Variants in PCDH15 observed in about 807,000 individuals in gnomAD.
PCDH15 encodes the protein protocadherin-15.
PCDH15 carries 129 observed loss-of-function variants against 178.5 expected under a neutral mutation model. That is an observed-to-expected ratio of 0.72 (90% CI 0.63 to 0.84). PCDH15 has a LOEUF of 0.84. Ranked by LOEUF, PCDH15 falls within the 40% of genes least tolerant of loss-of-function variation. The probability of loss-of-function intolerance (pLI) is 0.00; values close to 1 mark genes in which losing one functional copy is unlikely to be tolerated. For synonymous variants in PCDH15, 800 were observed against 732.0 expected (o/e 1.09, Z -1.50); for missense variants, 2,230 against 2,099.9 (o/e 1.06, Z -1.21).
intron 2 of PCDH15, among the ~76,000 whole-genome samples, chr10:55,598,551 T>TATATAGATAGATAGATAG (rs1842989306): frequency 1.5e-5 from 1 of 64,912 alleles, no homozygotes; most frequent in African/African-American, 7.6e-5. Flanking sequence ...TATATATATA[T>TATATAGATAGATAGATAG]ATATATATAT....
intron 3 of PCDH15, among the ~76,000 whole-genome samples, chr10:54,893,977 C>T (rs1455518413): frequency 6.6e-6 from 1 of 152,086 alleles, no homozygotes. Context: ...AGCGTTTATA[C>T]AGTCTGTAAT....
chr10:55,051,849 A>C (rs1334299975), intron 2 of PCDH15, among the ~76,000 whole-genome samples: 1 of 152,152 alleles, frequency 6.6e-6, no homozygotes, highest in Non-Finnish European at 1.5e-5. Context: ...GCATATGAAC[A>C]CACAGCCAGA....
chr10:53,892,053 G>A (rs2081603881), intron 26 of PCDH15, among the ~76,000 whole-genome samples: 1 of 119,726 alleles, frequency 8.4e-6, no homozygotes. Context: ...TTCCAAGACA[G>A]AGTCTCTGTC....
At chr10:55,526,487 T>C (rs1469477087) in intron 2 of PCDH15, among the ~76,000 whole-genome samples, 4 of 152,030 alleles carry the variant, frequency 2.6e-5, no homozygotes, top group African/African-American at 9.7e-5. Context: ...GCTTCCTTAA[T>C]ATCTGGCAAG....
intron 8 of PCDH15, among the ~76,000 whole-genome samples, chr10:54,316,880 A>G (rs1293337248): frequency 6.6e-6 from 1 of 152,164 alleles, no homozygotes; most frequent in Admixed American, 6.6e-5. Context: ...TCAGAATTCT[A>G]CTGGGCCAAA....
chr10:55,415,602 A>T (rs1478313088), intron 2 of PCDH15, among the ~76,000 whole-genome samples: 1 of 151,746 alleles, frequency 6.6e-6, no homozygotes, highest in Non-Finnish European at 1.5e-5. Flanking sequence ...ATAGTAAATC[A>T]CTAATTTTCA....
chr10:54,353,226 C>T (rs1418368), intron 5 of PCDH15, among the ~76,000 whole-genome samples: 5,446 of 151,958 alleles, frequency 0.036, 317 homozygotes, highest in African/African-American at 0.12. Context: ...ATCAAACATC[C>T]GTTTGAAGTC....
intron 2 of PCDH15, among the ~76,000 whole-genome samples, chr10:55,416,855 A>G (rs1413253861): frequency 6.6e-6 from 1 of 151,806 alleles, no homozygotes; most frequent in Non-Finnish European, 1.5e-5. Flanking sequence ...CAAAATTCCT[A>G]TATTTTCTGA....
At chr10:53,927,882 A>G (rs375287533) in intron 25 of PCDH15, among the ~76,000 whole-genome samples, 1 of 152,104 alleles carries the variant, frequency 6.6e-6, no homozygotes, top group Non-Finnish European at 1.5e-5. Flanking sequence ...TTGTTCTTGT[A>G]TGACAGGGAC....
intron 3 of PCDH15, among the ~76,000 whole-genome samples, chr10:54,417,192 C>A (rs1348784582): frequency 1.3e-5 from 2 of 152,040 alleles, no homozygotes; most frequent in African/African-American, 4.8e-5. Context: ...ATCCAGCAAC[C>A]AAAATTTTTT....
In PCDH15 at chr10:53,974,340, A is replaced by G. The variant is rs539651421; in HGVS notation, c.2869-12448T>C. Among the ~76,000 whole-genome samples the G allele has an allele frequency of 4.9e-4, 74 of 152,246 alleles. 2 individuals carry two copies. In the South Asian group the frequency reaches 0.014, roughly 29 times the overall value. On this transcript the variant is annotated intron_variant, in intron 21 of 37. Coordinates refer to ENST00000644397, the MANE Select transcript of PCDH15 (RefSeq NM_001384140.1). ...AGAAATTAAACACAATTTAAAACAA[A>G]TCTCTAGGGGCTTTTTGTTTTCCAT...
At chr10:54,700,112 T>C (rs1174129207) in intron 1 of PCDH15, among the ~76,000 whole-genome samples, 2 of 152,098 alleles carry the variant, frequency 1.3e-5, no homozygotes, top group East Asian at 3.9e-4. Context: ...AACTAATCTT[T>C]GGCCCCCTGA....
intron 3 of PCDH15, among the ~76,000 whole-genome samples, chr10:54,516,237 G>A (rs951816665): frequency 6.6e-6 from 1 of 152,064 alleles, no homozygotes; most frequent in Admixed American, 6.5e-5. Flanking sequence ...GAGAGAAGAA[G>A]GCTTCAGATG....
chr10:55,337,871 A>G (rs1173520276), intron 2 of PCDH15, among the ~76,000 whole-genome samples: 1 of 152,102 alleles, frequency 6.6e-6, no homozygotes, highest in African/African-American at 2.4e-5. Context: ...AAATATAGAG[A>G]CAATTCACAG....
rs78652090 is a variant in PCDH15 at position 54,328,328 on chromosome 10, C to T, written c.705+1268G>A. On this transcript the variant is annotated intron_variant, in intron 7 of 37. Transcript: ENST00000644397. ...TATATCTTTATGCCTCATTTCTTAA[C>T]GGTTATTTCAAAAACGTAAGCTTGT... is the stretch of plus-strand genomic sequence containing the variant. Among the ~76,000 whole-genome samples, 1,037 of 152,042 alleles carry T rather than the reference C, an allele frequency of 6.8e-3. 14 individuals are homozygous for T. Among genetic ancestry groups the T allele is most frequent in the African/African-American group, 0.023 (943 of 41,532 alleles).
chr10:54,317,042 A>G (rs2061320564), intron 8 of PCDH15, among the ~76,000 whole-genome samples: 1 of 152,162 alleles, frequency 6.6e-6, no homozygotes, highest in African/African-American at 2.4e-5. Flanking sequence ...TAAAATAACC[A>G]TGTTGGACTG....
At chr10:54,637,479 T>C (rs903948907) in intron 2 of PCDH15, among the ~76,000 whole-genome samples, 2 of 152,070 alleles carry the variant, frequency 1.3e-5, no homozygotes, top group Non-Finnish European at 2.9e-5. Context: ...CCTTGACTCA[T>C]GGTTCTTCTT....
In PCDH15 at chr10:53,851,671, AATATATATATATATATATATATATAT is replaced by A. The variant is rs71004485; in HGVS notation, c.3806+5478_3806+5503del. ...GAGACCTTCTAATTATCCTCCTAGA[AATATATATATATATATATATATATAT>A]ATATATATATATATATATATATATA... On this transcript the variant is annotated intron_variant, in intron 28 of 37. Transcript: ENST00000644397. Among the ~76,000 whole-genome samples, 443 of 104,572 alleles carry A rather than the reference AATATATATATATATATATATATATAT, an allele frequency of 4.2e-3. 10 individuals carry two copies. Among genetic ancestry groups the A allele is most frequent in the East Asian group, 8.6e-3 (38 of 4,424 alleles). 68.6% of individuals were successfully genotyped at this position (104,572 alleles called of 152,430 possible).
Position 53,888,307 on chromosome 10 carries a change from T to C in PCDH15, c.3501+14936A>G, listed in dbSNP as rs373821211. On this transcript the variant is annotated intron_variant, in intron 26 of 37. Coordinates refer to ENST00000644397, the MANE Select transcript of PCDH15 (RefSeq NM_001384140.1). ...CTATATATACATATATATATATATA[T>C]ATGTATATATGTACGTATATATATG... Among the ~76,000 whole-genome samples the C allele has an allele frequency of 2.1e-3, 158 of 75,250 alleles. 2 individuals are homozygous for C. The highest frequency in any genetic ancestry group is 3.2e-3 in the Non-Finnish European group (111 of 34,448). 49.4% of individuals were successfully genotyped at this position (75,250 alleles called of 152,430 possible).
Sources: gnomAD v4.1 joint callset for allele counts (sites outside exome capture counted in the v4.1 genomes callset) on GRCh38, gnomAD v4.1.1 for gene constraint, MANE v1.5 for transcripts, NCBI Gene and HGNC (gene_info 2026-07-23, HGNC 2026-07-21) for gene names.